PTPRM: variants seen among roughly 807,000 people sequenced by gnomAD.
PTPRM encodes receptor-type tyrosine-protein phosphatase mu.
Under a neutral mutation model 186.7 loss-of-function variants are expected in PTPRM, and 47 were observed. The observed-to-expected ratio is 0.25, with a 90% CI of 0.20 to 0.32. PTPRM has a LOEUF of 0.32. PTPRM is among the 10% of genes least tolerant of loss of function. The pLI, the probability that PTPRM is intolerant of heterozygous loss-of-function variation, is 1.00. For synonymous variants in PTPRM, 668 were observed against 674.9 expected (o/e 0.99, Z 0.16); for missense variants, 1,494 against 1,865.0 (o/e 0.80, Z 3.66).
intron 1 of PTPRM, among the ~76,000 whole-genome samples, chr18:7,719,029 G>A (rs776420700): frequency 1.6e-4 from 24 of 152,202 alleles, no homozygotes; most frequent in Non-Finnish European, 2.4e-4. Context: ...CATTTGATCC[G>A]GCAATCCCAC....
intron 2 of PTPRM, among the ~76,000 whole-genome samples, chr18:7,850,268 T>A (rs1444409251): frequency 6.6e-6 from 1 of 152,266 alleles, no homozygotes; most frequent in Non-Finnish European, 1.5e-5. Context: ...GTTCTTGAGC[T>A]TTTAAATAAC....
chr18:8,283,796 T>A (rs1055710901), intron 19 of PTPRM, among the ~76,000 whole-genome samples: 1 of 151,728 alleles, frequency 6.6e-6, no homozygotes, highest in African/African-American at 2.4e-5. Context: ...TTTTTTTTTT[T>A]ATTTTTAGTC....
intron 1 of PTPRM, among the ~76,000 whole-genome samples, chr18:7,628,674 CTG>C (rs1220250120): frequency 6.6e-6 from 1 of 152,068 alleles, no homozygotes; most frequent in Non-Finnish European, 1.5e-5. Flanking sequence ...TTGTCCATGA[CTG>C]TTAATAATTC....
intron 22 of PTPRM, among the ~76,000 whole-genome samples, chr18:8,321,630 G>A (rs1447133821): frequency 6.6e-6 from 1 of 152,150 alleles, no homozygotes; most frequent in Non-Finnish European, 1.5e-5. Context: ...TAATGGAGAA[G>A]GGCATTGACT....
chr18:8,123,597 C>A (rs1245600857), intron 13 of PTPRM, among the ~76,000 whole-genome samples: 1 of 152,172 alleles, frequency 6.6e-6, no homozygotes, highest in African/African-American at 2.4e-5. Context: ...AAGAGTATTT[C>A]TTTTCCTGAT....
At chr18:7,981,828 T>C (rs1456222760) in intron 7 of PTPRM, among the ~76,000 whole-genome samples, 3 of 152,218 alleles carry the variant, frequency 2.0e-5, no homozygotes, top group Non-Finnish European at 1.5e-5. Flanking sequence ...TATTGAATGC[T>C]GTAGACTCTT....
At chr18:8,255,400 A>C (rs1568612359) in intron 19 of PTPRM, among the ~76,000 whole-genome samples, 1 of 152,232 alleles carries the variant, frequency 6.6e-6, no homozygotes, top group Non-Finnish European at 1.5e-5. Context: ...TGTAGAAAAT[A>C]TTTCCCATTC....
At chr18:8,367,682 G>C (rs2095640454) in intron 23 of PTPRM, among the ~76,000 whole-genome samples, 1 of 152,270 alleles carries the variant, frequency 6.6e-6, no homozygotes, top group African/African-American at 2.4e-5. Context: ...ATTTCGGATG[G>C]AACCAGAGCT....
chr18:7,869,377 A>G (rs1242924711), intron 2 of PTPRM, among the ~76,000 whole-genome samples: 1 of 152,184 alleles, frequency 6.6e-6, no homozygotes, highest in Non-Finnish European at 1.5e-5. Context: ...ACTGTGGGAA[A>G]AGCGTAATAT....
At chr18:7,965,800 C>T (rs1265376618) in intron 7 of PTPRM, among the ~76,000 whole-genome samples, 2 of 152,198 alleles carry the variant, frequency 1.3e-5, no homozygotes, top group Non-Finnish European at 2.9e-5. Context: ...CCTCTCAGCA[C>T]ATCCAGATGC....
rs368599770 is a variant in PTPRM, at chr18:7,666,006, G to A, written c.73+98115G>A. ...TTCCTCTCAAACAGTAAGATAAATT[G>A]ACTGATGGCAAATGATGGGATGTGT... On this transcript the variant is annotated intron_variant, in intron 1 of 32. Transcript: ENST00000580170. 2.6e-4 allele frequency among the ~76,000 whole-genome samples: 39 copies of A among 152,196 alleles called. No individual in the cohort carries two copies. In the East Asian group the frequency reaches 6.0e-3, roughly 23 times the overall value.
At chr18:8,126,695 A>G (rs1292862238) in intron 13 of PTPRM, among the ~76,000 whole-genome samples, 3 of 152,238 alleles carry the variant, frequency 2.0e-5, no homozygotes, top group South Asian at 4.1e-4. Flanking sequence ...AAGGTTCTCT[A>G]TTTGTAAGAT....
chr18:8,356,456 C>T (rs2095563715), intron 23 of PTPRM, among the ~76,000 whole-genome samples: 1 of 152,168 alleles, frequency 6.6e-6, no homozygotes, highest in Non-Finnish European at 1.5e-5. Flanking sequence ...TCCTCTGAGC[C>T]TGCAGAGCAG....
intron 14 of PTPRM, among the ~76,000 whole-genome samples, chr18:8,174,419 T>G (rs1197431158): frequency 6.6e-6 from 1 of 152,188 alleles, no homozygotes; most frequent in Non-Finnish European, 1.5e-5. Context: ...CTGTTATAAT[T>G]TTTGCAAAGG....
chr18:7,856,046 G>A (rs2047078416), intron 2 of PTPRM, among the ~76,000 whole-genome samples: 1 of 152,094 alleles, frequency 6.6e-6, no homozygotes, highest in Non-Finnish European at 1.5e-5. Context: ...ATAATTCAAT[G>A]TGAAAAAGGC....
At chr18:7,867,384 G>A (rs1003417980) in intron 2 of PTPRM, among the ~76,000 whole-genome samples, 2 of 152,130 alleles carry the variant, frequency 1.3e-5, no homozygotes, top group Non-Finnish European at 2.9e-5. Context: ...TTCTTGTATT[G>A]CAGGCCTGGT....
At chr18:8,285,835 T>C (rs2094951177) in intron 19 of PTPRM, among the ~76,000 whole-genome samples, 1 of 151,886 alleles carries the variant, frequency 6.6e-6, no homozygotes, top group Non-Finnish European at 1.5e-5. Flanking sequence ...CTATAAAAAA[T>C]ACAAAAATTA....
chr18:8,391,046 C>T (rs895855075), intron 31 of PTPRM, among the ~76,000 whole-genome samples: 1 of 151,966 alleles, frequency 6.6e-6, no homozygotes, highest in Admixed American at 6.5e-5. Context: ...ACATTGAAAC[C>T]AGGATCACAT....
chr18:8,094,178 A>T (rs2090899920), intron 11 of PTPRM, among the ~76,000 whole-genome samples: 1 of 152,190 alleles, frequency 6.6e-6, no homozygotes, highest in African/African-American at 2.4e-5. Context: ...AAAAACTTAT[A>T]GTGTAAAACC....
Sources: gnomAD v4.1 joint callset for allele counts (sites outside exome capture counted in the v4.1 genomes callset) on GRCh38, gnomAD v4.1.1 for gene constraint, MANE v1.5 for transcripts, NCBI Gene and HGNC (gene_info 2026-07-23, HGNC 2026-07-21) for gene names.